The following SOX6 variants were observed in gnomAD, a reference collection of about 807,000 sequenced individuals.
The protein encoded by SOX6 is SRY-box transcription factor 6, also known as transcription factor SOX-6.
Under a neutral mutation model 97.8 loss-of-function variants are expected in SOX6, and 11 were observed. That is an observed-to-expected ratio of 0.11 (90% CI 0.07 to 0.19). The LOEUF is 0.19. SOX6 is among the 10% of genes least tolerant of loss of function. SOX6 has a pLI of 1.00. For synonymous variants in SOX6, 360 were observed against 371.4 expected (o/e 0.97, Z 0.35); for missense variants, 810 against 1,039.5 (o/e 0.78, Z 3.04).
At chr11:16,482,890 T>C (rs1860367510) in intron 4 of SOX6, among the ~76,000 whole-genome samples, 1 of 152,182 alleles carries the variant, frequency 6.6e-6, no homozygotes, top group Non-Finnish European at 1.5e-5. Context: ...TGTTTGTTTG[T>C]TTGTTTCGTG....
At chr11:16,070,365 C>T (rs1054774384) in intron 9 of SOX6, among the ~76,000 whole-genome samples, 5 of 151,970 alleles carry the variant, frequency 3.3e-5, no homozygotes, top group Admixed American at 6.6e-5. Flanking sequence ...CCTACCCTTA[C>T]ACTAAGAAAC....
Position 16,610,690 on chromosome 11 carries a change from G to A in SOX6, n.609+1391C>T, listed in dbSNP as rs1848386190. On this transcript the variant is annotated intron_variant and non_coding_transcript_variant, in intron 4 of 5. Transcript: ENST00000524520. This position sits in a 1 kb window ranked among gnomAD's most constrained non-coding sequence, Gnocchi z 4.4. ...AACTAAAATTTGGGGTCTCGATGCCGCACTTCTGGCTGTGTAAGAGTGACA... is the reference window on the plus strand; with the variant it reads ...AACTAAAATTTGGGGTCTCGATGCCACACTTCTGGCTGTGTAAGAGTGACA... Among the ~76,000 whole-genome samples the A allele has an allele frequency of 6.6e-6, 1 of 152,194 alleles. No individual in the cohort carries two copies. The highest frequency in any genetic ancestry group is 2.4e-5 in the African/African-American group (1 of 41,442).
chr11:16,259,611 A>G (rs1853810693), intron 3 of SOX6, among the ~76,000 whole-genome samples: 1 of 152,222 alleles, frequency 6.6e-6, no homozygotes, highest in Non-Finnish European at 1.5e-5. Flanking sequence ...AATATCTGCT[A>G]CAACATTTAA....
rs1849594020 is a variant in SOX6 at position 16,125,816 on chromosome 11, T to TGGAAGGAAGGA, written c.778-13894_778-13893insTCCTTCCTTCC. Among the ~76,000 whole-genome samples the TGGAAGGAAGGA allele has an allele frequency of 1.1e-4, 11 of 99,658 alleles. No individual in the cohort carries two copies. The South Asian group carries it at 4.2e-3, about 38-fold the overall frequency. The allele number at this position is 99,658 out of a possible 152,430, so 65.4% of individuals were successfully genotyped here. ...CTTTCACATGTTCTTAAAGAAATCA[T>TGGAAGGAAGGA]AGGAAGGAAGGAAGGAAGGAAGGAA... is the stretch of plus-strand genomic sequence containing the variant. On this transcript the variant is annotated intron_variant, in intron 6 of 15. Coordinates refer to ENST00000683767, the MANE Select transcript of SOX6 (RefSeq NM_001367873.1).
In SOX6 at chr11:16,613,505, T is replaced by C. The variant is rs1264988149; in HGVS notation, n.430-1245A>G. Among the ~76,000 whole-genome samples the C allele has an allele frequency of 6.6e-6, 1 of 151,844 alleles. No individual in the cohort carries two copies. The highest frequency in any genetic ancestry group is 1.5e-5 in the Non-Finnish European group (1 of 67,962). On this transcript the variant is annotated intron_variant and non_coding_transcript_variant, in intron 3 of 5. Coordinates refer to the SOX6 transcript ENST00000524520. The surrounding 1 kb of genome is among the most constrained non-coding windows in gnomAD (Gnocchi z 4.6). ...GGTTCCGAAGCCCCAGCCCGCTGGG[T>C]CGCTCGGCCTGAGGGCTCAGGTGAT... is the stretch of plus-strand genomic sequence containing the variant.
chr11:16,017,951 A>T (rs1326630460), intron 12 of SOX6, among the ~76,000 whole-genome samples: 2 of 152,138 alleles, frequency 1.3e-5, no homozygotes. Context: ...TGGATTTTAC[A>T]TGCAGCAATG....
chr11:16,128,012 T>C (rs1479436634), intron 6 of SOX6, among the ~76,000 whole-genome samples: 1 of 152,220 alleles, frequency 6.6e-6, no homozygotes, highest in Non-Finnish European at 1.5e-5. Flanking sequence ...TCATGTATTA[T>C]GTCCCAGCTA....
chr11:15,967,910 C>A lies in SOX6; in HGVS notation c.*4899G>T, dbSNP rs1205922270. The A allele has an allele frequency of 7.0e-6, 1 of 142,532 alleles. No homozygotes were observed. Among genetic ancestry groups the A allele is most frequent in the Non-Finnish European group, 1.5e-5 (1 of 64,704 alleles). 8.8% of individuals were successfully genotyped at this position (142,532 alleles called of 1,614,324 possible). ...CTGCCCCCACCCCGCCCACCCTTAC[C>A]TCTGCCCCAAAGGTACCAGCATTCC... On this transcript the variant is annotated 3_prime_UTR_variant, in exon 16 of 16. Transcript: ENST00000683767.
intron 3 of SOX6, among the ~76,000 whole-genome samples, chr11:16,700,175 A>G (rs1200873390): frequency 6.6e-6 from 1 of 152,220 alleles, no homozygotes; most frequent in Non-Finnish European, 1.5e-5. Context: ...TCCCTAAAGA[A>G]GCAAATTTTG....
chr11:16,474,998 T>C (rs1047739087), intron 1 of SOX6, among the ~76,000 whole-genome samples: 1 of 152,244 alleles, frequency 6.6e-6, no homozygotes, highest in African/African-American at 2.4e-5. Context: ...TTCACTTTTA[T>C]GTTAAGGAGA....
At chr11:16,005,848 C>T (rs889145790) in intron 13 of SOX6, among the ~76,000 whole-genome samples, 2 of 151,974 alleles carry the variant, frequency 1.3e-5, no homozygotes, top group African/African-American at 4.8e-5. Flanking sequence ...CCAAATGTAG[C>T]AGTTTATAGT....
chr11:16,275,687 C>CA (rs1401031287), intron 3 of SOX6, among the ~76,000 whole-genome samples: 1 of 152,110 alleles, frequency 6.6e-6, no homozygotes, highest in Non-Finnish European at 1.5e-5. Flanking sequence ...AAAGGGTAGA[C>CA]AGAGATAGCA....
intron 2 of SOX6, among the ~76,000 whole-genome samples, chr11:16,325,410 C>T (rs559362026): frequency 1.3e-5 from 2 of 152,154 alleles, no homozygotes; most frequent in South Asian, 4.1e-4. Context: ...TGGTAATTTT[C>T]ATTTCCTTTT....
In SOX6 at chr11:16,082,950, C is replaced by T. The variant is rs930480188; in HGVS notation, c.1101+13046G>A. ...AACTGTTTGTCGTTTCTGAATGTGCCGTGCTGTCTATTGCTTCTACACCTA... is the reference window on the plus strand; with the variant it reads ...AACTGTTTGTCGTTTCTGAATGTGCTGTGCTGTCTATTGCTTCTACACCTA... On this transcript the variant is annotated intron_variant, in intron 9 of 15. Coordinates refer to ENST00000683767, the MANE Select transcript of SOX6 (RefSeq NM_001367873.1). 5.3e-5 allele frequency among the ~76,000 whole-genome samples: 8 copies of T among 152,058 alleles called. No individual in the cohort carries two copies. The South Asian group carries it at 1.0e-3, about 20-fold the overall frequency.
intron 4 of SOX6, among the ~76,000 whole-genome samples, chr11:16,526,611 T>C (rs1016290352): frequency 3.9e-5 from 6 of 152,006 alleles, no homozygotes; most frequent in Admixed American, 6.6e-5. Context: ...TGTGCACATG[T>C]ACCCTAAAAC....
intron 6 of SOX6, among the ~76,000 whole-genome samples, chr11:16,148,372 C>G (rs189361636): frequency 6.6e-6 from 1 of 152,264 alleles, no homozygotes; most frequent in Admixed American, 6.5e-5. Flanking sequence ...AGACCCTGCT[C>G]TGTTGTCTGG....
At chr11:16,133,005 G>A (rs1204125315) in intron 6 of SOX6, among the ~76,000 whole-genome samples, 2 of 152,018 alleles carry the variant, frequency 1.3e-5, no homozygotes, top group South Asian at 2.1e-4. Flanking sequence ...ATAGGCCCTG[G>A]AATAAGAGAA....
chr11:15,999,733 G>C (rs1309011185), intron 13 of SOX6, among the ~76,000 whole-genome samples: 2 of 152,104 alleles, frequency 1.3e-5, no homozygotes, highest in African/African-American at 4.8e-5. Context: ...GATTGCTTAT[G>C]AAGAGAAAGA....
At chr11:16,004,334 G>T (rs572597559) in intron 13 of SOX6, among the ~76,000 whole-genome samples, 1 of 151,974 alleles carries the variant, frequency 6.6e-6, no homozygotes, top group Non-Finnish European at 1.5e-5. Flanking sequence ...CCATCAGAAT[G>T]AATTTCTTCA....
Sources: gnomAD v4.1 joint callset for allele counts (sites outside exome capture counted in the v4.1 genomes callset) on GRCh38, gnomAD v4.1.1 for gene constraint, Gnocchi (gnomAD v3.1) non-coding constraint, MANE v1.5 for transcripts, NCBI Gene and HGNC (gene_info 2026-07-23, HGNC 2026-07-21) for gene names.